SMYD3: variants seen among roughly 807,000 people sequenced by gnomAD.
SMYD3 encodes histone-lysine N-methyltransferase SMYD3.
In SMYD3, 36 loss-of-function variants were observed where a neutral mutation model predicts 57.7. The ratio of observed to expected loss-of-function variants is 0.62; its 90% CI spans 0.48 to 0.82. SMYD3 has a LOEUF of 0.82. Ranked by LOEUF, SMYD3 falls within the 40% of genes least tolerant of loss-of-function variation. The pLI, the probability that SMYD3 is intolerant of heterozygous loss-of-function variation, is 0.00. For missense variants in SMYD3, 515 were observed against 538.8 expected (o/e 0.96, Z 0.44); for synonymous variants, 211 against 195.0 (o/e 1.08, Z -0.68).
rs192463537 is a variant in SMYD3, at chr1:245,913,349, C to T, written c.813+2181G>A. Among the ~76,000 whole-genome samples, 20 of 144,184 alleles carry T rather than the reference C, an allele frequency of 1.4e-4. No individual in the cohort carries two copies. The East Asian group carries it at 3.4e-3, about 24-fold the overall frequency. 94.6% of individuals were successfully genotyped at this position (144,184 alleles called of 152,430 possible). A position where few individuals can be genotyped will look rare whatever the true frequency, so the allele number is the denominator to read the frequency against. ...GACACAGGAAGGGGAACATCACACA[C>T]CGGGGCCTGTTGTGGTGTGGGGGGA... On this transcript the variant is annotated intron_variant, in intron 8 of 11. Coordinates refer to ENST00000490107, the MANE Select transcript of SMYD3 (RefSeq NM_001167740.2).
intron 5 of SMYD3, among the ~76,000 whole-genome samples, chr1:246,239,080 C>T (rs2063559109): frequency 6.6e-6 from 1 of 152,024 alleles, no homozygotes; most frequent in African/African-American, 2.4e-5. Flanking sequence ...GTGTGTACTA[C>T]AGTGAGTTTT....
chr1:245,831,930 G>A (rs192206984), intron 10 of SMYD3, among the ~76,000 whole-genome samples: 181 of 152,260 alleles, frequency 1.2e-3, no homozygotes, highest in Non-Finnish European at 1.2e-3. Context: ...CTAAATCAAC[G>A]GTCAAAGAGT....
rs185346526 is a variant in SMYD3, at chr1:246,117,461, G to A, written c.532-187524C>T. 3.7e-3 allele frequency among the ~76,000 whole-genome samples: 561 copies of A among 152,246 alleles called. 3 individuals are homozygous for A. Among genetic ancestry groups the A allele is most frequent in the Non-Finnish European group, 4.7e-3 (318 of 68,036 alleles). On this transcript the variant is annotated intron_variant, in intron 5 of 11. Transcript: ENST00000490107. ...GGTTTCGCAGAATAAACAAATCCAGGATGACTGATTATCTCATTTTTTAAA... is the reference window on the plus strand; with the variant it reads ...GGTTTCGCAGAATAAACAAATCCAGAATGACTGATTATCTCATTTTTTAAA...
chr1:245,937,875 G>A (rs2057046460), intron 5 of SMYD3, among the ~76,000 whole-genome samples: 1 of 152,184 alleles, frequency 6.6e-6, no homozygotes, highest in Non-Finnish European at 1.5e-5. Context: ...CTTACTCCCA[G>A]TACTAAATTC....
At chr1:246,184,001 A>G (rs2062594035) in intron 5 of SMYD3, among the ~76,000 whole-genome samples, 1 of 152,244 alleles carries the variant, frequency 6.6e-6, no homozygotes, top group Non-Finnish European at 1.5e-5. Context: ...GCATGGAAGT[A>G]AAGCCGAAGG....
At chr1:246,430,674 T>C (rs1441851355) in intron 1 of SMYD3, among the ~76,000 whole-genome samples, 1 of 152,088 alleles carries the variant, frequency 6.6e-6, no homozygotes, top group Non-Finnish European at 1.5e-5. Context: ...GATATAAGTA[T>C]GGAATCCACA....
chr1:246,378,867 TA>T (rs1345742361), intron 1 of SMYD3, among the ~76,000 whole-genome samples: 5 of 124,054 alleles, frequency 4.0e-5, no homozygotes, highest in African/African-American at 1.5e-4. Flanking sequence ...ATAGTATATA[TA>T]AATATATTAT....
rs568404252 is a variant in SMYD3 at position 246,131,824 on chromosome 1, C to T, written c.531+195377G>A. Reference sequence around the variant, plus strand: ...AGACAATGACCAATTAAAGACAGAACATTTTCATTAAAATACTTTATATGA... The same window carrying T: ...AGACAATGACCAATTAAAGACAGAATATTTTCATTAAAATACTTTATATGA... On this transcript the variant is annotated intron_variant, in intron 5 of 11. Transcript: ENST00000490107. Among the ~76,000 whole-genome samples, 45 of 152,248 alleles carry T rather than the reference C, an allele frequency of 3.0e-4. 1 individual carries two copies. In the South Asian group the frequency reaches 8.7e-3, roughly 29 times the overall value.
At chr1:246,152,047 G>A (rs1205965841) in intron 5 of SMYD3, among the ~76,000 whole-genome samples, 1 of 152,208 alleles carries the variant, frequency 6.6e-6, no homozygotes, top group East Asian at 1.9e-4. Context: ...CGCTGTTTCT[G>A]GGAGCTCAAG....
At chr1:246,498,335 T>C (rs903686781) in intron 1 of SMYD3, among the ~76,000 whole-genome samples, 2 of 152,266 alleles carry the variant, frequency 1.3e-5, no homozygotes, top group Non-Finnish European at 2.9e-5. Context: ...TTGAGCATTA[T>C]GGAGCTATAA....
intron 5 of SMYD3, among the ~76,000 whole-genome samples, chr1:245,971,594 A>G (rs749492102): frequency 1.3e-5 from 2 of 152,216 alleles, no homozygotes; most frequent in Non-Finnish European, 2.9e-5. Flanking sequence ...ACCTGAGCTT[A>G]GGTTGTTCTC....
At chr1:246,428,744 G>A (rs1398114282) in intron 1 of SMYD3, among the ~76,000 whole-genome samples, 1 of 152,082 alleles carries the variant, frequency 6.6e-6, no homozygotes, top group East Asian at 1.9e-4. Context: ...TCAAACCCGC[G>A]CAATCTAGAC....
intron 10 of SMYD3, 57 bp downstream of exon 10, chr1:245,858,439 C>T (rs1292181277): frequency 1.8e-5 from 27 of 1,519,246 alleles, no homozygotes; most frequent in Non-Finnish European, 1.5e-5. Flanking sequence ...AACATGGATC[C>T]TTTGCCCAAC....
At chr1:246,458,438 CTTTTTTTTTT>C (rs35956400) in intron 1 of SMYD3, among the ~76,000 whole-genome samples, 1 of 62,062 alleles carries the variant, frequency 1.6e-5, no homozygotes, top group Admixed American at 3.0e-4. Flanking sequence ...AAAAGTCATT[CTTTTTTTTTT>C]TTTTTTTTTT....
intron 1 of SMYD3, among the ~76,000 whole-genome samples, chr1:246,393,720 C>G (rs1375283645): frequency 6.7e-6 from 1 of 149,312 alleles, no homozygotes; most frequent in African/African-American, 2.5e-5. Flanking sequence ...GCCAGGCATG[C>G]TGGCAGGCAC....
In SMYD3 at chr1:246,238,993, C is replaced by T. The variant is rs564701845; in HGVS notation, c.531+88208G>A. Among the ~76,000 whole-genome samples the T allele has an allele frequency of 6.0e-5, 9 of 150,012 alleles. No individual in the cohort carries two copies. The East Asian group carries it at 1.0e-3, about 17-fold the overall frequency. ...GAGATGCCTGATGAGCGTCACACAA[C>T]GTTTTCGGTGGATAGTCACGACACT... On this transcript the variant is annotated intron_variant, in intron 5 of 11. Coordinates refer to ENST00000490107, the MANE Select transcript of SMYD3 (RefSeq NM_001167740.2).
At chr1:246,450,937 A>C (rs932480404) in intron 1 of SMYD3, among the ~76,000 whole-genome samples, 1 of 152,254 alleles carries the variant, frequency 6.6e-6, no homozygotes, top group South Asian at 2.1e-4. Flanking sequence ...TTCAGTGTAC[A>C]TGACTCTACC....
At chr1:245,817,283 G>A (rs541867323) in intron 10 of SMYD3, among the ~76,000 whole-genome samples, 2 of 136,796 alleles carry the variant, frequency 1.5e-5, no homozygotes, top group Non-Finnish European at 3.0e-5. Context: ...CCCAGCAGGG[G>A]CACACTGACA....
chr1:246,482,144 C>T (rs967695931), intron 1 of SMYD3, among the ~76,000 whole-genome samples: 1 of 152,050 alleles, frequency 6.6e-6, no homozygotes, highest in Non-Finnish European at 1.5e-5. Context: ...GGCAACAGAG[C>T]GAGACCCTGT....
Sources: gnomAD v4.1 joint callset for allele counts (sites outside exome capture counted in the v4.1 genomes callset) on GRCh38, gnomAD v4.1.1 for gene constraint, MANE v1.5 for transcripts, NCBI Gene and HGNC (gene_info 2026-07-23, HGNC 2026-07-21) for gene names.